The following XKR9 variants were observed in gnomAD, a reference collection of about 807,000 sequenced individuals.
The protein encoded by XKR9 is XK-related protein 9.
Under a neutral mutation model 32.0 loss-of-function variants are expected in XKR9, and 32 were observed. The ratio of observed to expected loss-of-function variants is 1.00; its 90% CI spans 0.76 to 1.34. XKR9 has a LOEUF of 1.34. XKR9 is among the 40% of genes most tolerant of loss of function. The probability of loss-of-function intolerance (pLI) is 0.00; values close to 1 mark genes in which losing one functional copy is unlikely to be tolerated. For synonymous variants in XKR9, 168 were observed against 143.4 expected (o/e 1.17, Z -1.22); for missense variants, 546 against 429.7 (o/e 1.27, Z -2.39).
the XKR9 span, among the ~76,000 whole-genome samples, chr8:70,844,759 CTGCATG>C: frequency 6.6e-6 from 1 of 152,352 alleles, no homozygotes; most frequent in African/African-American, 2.4e-5. Flanking sequence ...TAGCAACCAG[CTGCATG>C]TGCCACCTGG....
the XKR9 span, among the ~76,000 whole-genome samples, chr8:71,026,538 G>A: frequency 1.3e-5 from 2 of 152,314 alleles, no homozygotes; most frequent in South Asian, 4.1e-4. Flanking sequence ...AGTCCAGAGT[G>A]CAAAGGTGGG....
chr8:71,013,379 C>T, the XKR9 span, among the ~76,000 whole-genome samples: 1 of 152,124 alleles, frequency 6.6e-6, no homozygotes, highest in Non-Finnish European at 1.5e-5. Flanking sequence ...TACACACTCT[C>T]CCCACTGGTG....
At chr8:70,976,400 T>G in the XKR9 span, among the ~76,000 whole-genome samples, 1 of 152,208 alleles carries the variant, frequency 6.6e-6, no homozygotes, top group African/African-American at 2.4e-5. Flanking sequence ...CATCAATACC[T>G]AGTTTATTGA....
At chr8:70,981,307 C>T in the XKR9 span, among the ~76,000 whole-genome samples, 1 of 152,148 alleles carries the variant, frequency 6.6e-6, no homozygotes, top group Non-Finnish European at 1.5e-5. Flanking sequence ...AACATAGTCC[C>T]AAACTTCTTG....
the XKR9 span, among the ~76,000 whole-genome samples, chr8:70,985,016 T>A: frequency 0.32 from 48,524 of 152,070 alleles, 9,067 homozygotes; most frequent in Non-Finnish European, 0.43. Flanking sequence ...TAAGAAGGTA[T>A]AACTAATAAT....
the XKR9 span, among the ~76,000 whole-genome samples, chr8:71,027,781 G>C: frequency 4.8e-3 from 163 of 33,894 alleles, no homozygotes; most frequent in Non-Finnish European, 0.012. Flanking sequence ...TTTTTTGGCG[G>C]GGGGGGGGGG....
the XKR9 span, among the ~76,000 whole-genome samples, chr8:70,844,074 A>T: frequency 6.6e-6 from 1 of 152,212 alleles, no homozygotes; most frequent in South Asian, 2.1e-4. Flanking sequence ...CTTACCAAGG[A>T]CGATGTCCCC....
At chr8:70,991,455 C>A in the XKR9 span, among the ~76,000 whole-genome samples, 1 of 151,980 alleles carries the variant, frequency 6.6e-6, no homozygotes, top group Admixed American at 6.6e-5. Context: ...TATTTATAGG[C>A]AATATATAGC....
chr8:70,878,088 T>C, the XKR9 span, among the ~76,000 whole-genome samples: 1 of 152,044 alleles, frequency 6.6e-6, no homozygotes, highest in Non-Finnish European at 1.5e-5. Context: ...AGAAATAAAA[T>C]CCTTTACAGA....
the XKR9 span, among the ~76,000 whole-genome samples, chr8:70,808,587 C>G: frequency 6.6e-6 from 1 of 152,214 alleles, no homozygotes; most frequent in African/African-American, 2.4e-5. Context: ...AAAATCAGGT[C>G]ACTTCCACCC....
chr8:71,014,234 GT>G, the XKR9 span, among the ~76,000 whole-genome samples: 1 of 152,128 alleles, frequency 6.6e-6, no homozygotes, highest in Non-Finnish European at 1.5e-5. Context: ...ATTTACTTTG[GT>G]TCATATTTAA....
chr8:71,021,780 C>T, the XKR9 span, among the ~76,000 whole-genome samples: 3 of 152,076 alleles, frequency 2.0e-5, no homozygotes, highest in African/African-American at 7.2e-5. Flanking sequence ...GGATTACAGG[C>T]GTGAGCCACC....
At chr8:70,774,210 G>A (rs566849577) in intron 2 of XKR9, among the ~76,000 whole-genome samples, 18 of 152,158 alleles carry the variant, frequency 1.2e-4, no homozygotes, top group South Asian at 4.1e-4. Context: ...TCATGATTGC[G>A]TAGAAAAAGG....
At chr8:70,915,526 T>G in the XKR9 span, among the ~76,000 whole-genome samples, 2 of 152,216 alleles carry the variant, frequency 1.3e-5, no homozygotes, top group African/African-American at 4.8e-5. Flanking sequence ...TTTTTCTATG[T>G]CTGATTTTTC....
chr8:71,027,856 C>A, the XKR9 span, among the ~76,000 whole-genome samples: 2 of 151,608 alleles, frequency 1.3e-5, no homozygotes, highest in East Asian at 1.9e-4. Context: ...GCAGCCACAA[C>A]CTTCCCCTGG....
the XKR9 span, among the ~76,000 whole-genome samples, chr8:70,815,639 C>T: frequency 6.6e-6 from 1 of 152,048 alleles, no homozygotes; most frequent in Admixed American, 6.5e-5. Context: ...CATTCTCCTG[C>T]CTCAGCCTCC....
the XKR9 span, among the ~76,000 whole-genome samples, chr8:71,020,601 G>C: frequency 1.3e-5 from 2 of 152,078 alleles, no homozygotes; most frequent in African/African-American, 4.8e-5. Flanking sequence ...GTGTATAATA[G>C]GATGTATGGG....
chr8:70,895,613 G>A, the XKR9 span, among the ~76,000 whole-genome samples: 1 of 152,082 alleles, frequency 6.6e-6, no homozygotes, highest in African/African-American at 2.4e-5. Context: ...TAAGGATAAT[G>A]CACTGTCTTT....
chr8:71,050,915 A>G, the XKR9 span, among the ~76,000 whole-genome samples: 5 of 152,316 alleles, frequency 3.3e-5, no homozygotes, highest in South Asian at 8.3e-4. Flanking sequence ...AAAAGTAGAG[A>G]TTTCTTATTT....
Sources: allele counts gnomAD v4.1 joint callset (sites outside exome capture counted in the v4.1 genomes callset), GRCh38; gene constraint gnomAD v4.1.1; transcripts MANE v1.5; gene names NCBI Gene and HGNC (gene_info 2026-07-23, HGNC 2026-07-21).